Variants in TENM2 observed in about 807,000 individuals in gnomAD.
The protein encoded by TENM2 is teneurin-2.
A neutral mutation model predicts 245.2 loss-of-function variants in TENM2; 52 were observed. The observed-to-expected ratio is 0.21, with a 90% CI of 0.17 to 0.27. The LOEUF (loss-of-function observed/expected upper bound fraction) is 0.27, where lower values mean the gene tolerates loss of function less well. TENM2 is among the 10% of genes least tolerant of loss of function. The pLI, the probability that TENM2 is intolerant of heterozygous loss-of-function variation, is 1.00. For missense variants in TENM2, 3,046 were observed against 3,666.8 expected, an observed-to-expected ratio of 0.83 and a Z score of 4.37; for synonymous variants, 1,363 against 1,438.9, an observed-to-expected ratio of 0.95 and a Z score of 1.19.
chr5:167,620,642 CA>C (rs557995698), intron 2 of TENM2, among the ~76,000 whole-genome samples: 13 of 142,958 alleles, frequency 9.1e-5, no homozygotes, highest in African/African-American at 2.6e-4. Context: ...AGCTTTGCCT[CA>C]CTTGAAATGT....
intron 5 of TENM2, among the ~76,000 whole-genome samples, chr5:168,009,085 TG>T (rs541463237): frequency 4.2e-4 from 64 of 152,290 alleles, no homozygotes; most frequent in African/African-American, 1.5e-3. Context: ...TTACATGTAG[TG>T]CAAATTCTGC....
chr5:167,143,211 G>T, the TENM2 span, among the ~76,000 whole-genome samples: 1 of 152,212 alleles, frequency 6.6e-6, no homozygotes, highest in Admixed American at 6.5e-5. Flanking sequence ...TGACCACAAT[G>T]AGGCTTCGAT....
At chr5:168,258,666 A>G (rs986141611) in intron 27 of TENM2, among the ~76,000 whole-genome samples, 1 of 152,214 alleles carries the variant, frequency 6.6e-6, no homozygotes, top group Non-Finnish European at 1.5e-5. Context: ...GATTCCATTC[A>G]TGTCAAATGT....
intron 2 of TENM2, among the ~76,000 whole-genome samples, chr5:167,603,403 C>T (rs986689179): frequency 7.9e-5 from 12 of 152,176 alleles, no homozygotes; most frequent in African/African-American, 2.9e-4. Context: ...ATATTCTTGG[C>T]TGGGCACAGT....
chr5:167,796,224 A>G (rs1046196926), intron 2 of TENM2, among the ~76,000 whole-genome samples: 1 of 152,152 alleles, frequency 6.6e-6, no homozygotes, highest in Non-Finnish European at 1.5e-5. Flanking sequence ...TATATTCTTC[A>G]CAGTTCAATT....
At position 167,911,918 on chromosome 5, in the gene TENM2, A is replaced by G. The variant is rs540904148; in HGVS notation, c.712+35723A>G. On this transcript the variant is annotated intron_variant, in intron 3 of 28. Transcript: ENST00000518659. ...ATGATATACAGCATGATATTCTGTT[A>G]TATGTATGTAATGGATATGTCCATA... Among the ~76,000 whole-genome samples the G allele has an allele frequency of 5.9e-4, 90 of 152,334 alleles. 2 individuals carry two copies. The South Asian group carries it at 0.018, about 31-fold the overall frequency.
chr5:167,040,283 T>C, the TENM2 span, among the ~76,000 whole-genome samples: 95,733 of 151,836 alleles, frequency 0.63, 32,231 homozygotes, highest in African/African-American at 0.89. Flanking sequence ...GGCCAAGGAG[T>C]TGTTGTCCCG....
chr5:167,103,845 GA>G, the TENM2 span, among the ~76,000 whole-genome samples: 2,661 of 143,796 alleles, frequency 0.019, 32 homozygotes, highest in African/African-American at 0.028. Flanking sequence ...TAGCAATACT[GA>G]AAAAAAAAAA....
intron 2 of TENM2, among the ~76,000 whole-genome samples, chr5:167,687,712 A>C (rs1387526470): frequency 1.3e-5 from 2 of 152,242 alleles, no homozygotes; most frequent in Non-Finnish European, 2.9e-5. Flanking sequence ...TATTTATAGT[A>C]GCAGAATTTG....
chr5:168,155,661 A>G (rs1475144182), intron 12 of TENM2, among the ~76,000 whole-genome samples: 1 of 152,144 alleles, frequency 6.6e-6, no homozygotes, highest in African/African-American at 2.4e-5. Flanking sequence ...TTTAACTTGA[A>G]AAAGGATGGG....
At chr5:167,558,499 C>T (rs914922107) in intron 2 of TENM2, among the ~76,000 whole-genome samples, 2 of 152,164 alleles carry the variant, frequency 1.3e-5, no homozygotes, top group Non-Finnish European at 2.9e-5. Flanking sequence ...GGTGAGTGAG[C>T]GAAGCTGAGC....
intron 1 of TENM2, among the ~76,000 whole-genome samples, chr5:167,297,299 T>G: frequency 6.6e-6 from 1 of 152,152 alleles, no homozygotes; most frequent in East Asian, 1.9e-4. Context: ...TAAACCACTA[T>G]CGAGTAATCA....
At chr5:167,824,041 C>T (rs1014026720) in intron 2 of TENM2, among the ~76,000 whole-genome samples, 28 of 152,278 alleles carry the variant, frequency 1.8e-4, no homozygotes, top group Middle Eastern at 3.4e-3. Flanking sequence ...GCCTTCTCCC[C>T]GGGGAACTGA....
intron 2 of TENM2, among the ~76,000 whole-genome samples, chr5:167,675,847 T>G (rs948077274): frequency 1.3e-5 from 2 of 152,130 alleles, no homozygotes; most frequent in African/African-American, 4.8e-5. Context: ...AAAAATATTG[T>G]TAGATCCAAA....
At chr5:167,496,514 A>G (rs1293183333) in intron 2 of TENM2, among the ~76,000 whole-genome samples, 1 of 152,112 alleles carries the variant, frequency 6.6e-6, no homozygotes, top group Non-Finnish European at 1.5e-5. Context: ...TTAGTGGTAC[A>G]TATTAAAAAT....
At chr5:168,253,219 G>A (rs545028205) in intron 27 of TENM2, among the ~76,000 whole-genome samples, 3 of 151,914 alleles carry the variant, frequency 2.0e-5, no homozygotes, top group Admixed American at 6.6e-5. Flanking sequence ...GGCCTGCCTC[G>A]GCCTCCCAAA....
At chr5:167,475,088 A>G (rs1283030294) in intron 2 of TENM2, among the ~76,000 whole-genome samples, 1 of 152,210 alleles carries the variant, frequency 6.6e-6, no homozygotes, top group Non-Finnish European at 1.5e-5. Context: ...AATATATGCA[A>G]TATTTGTTTT....
chr5:167,826,821 A>C (rs1489623379), intron 2 of TENM2, among the ~76,000 whole-genome samples: 1 of 152,238 alleles, frequency 6.6e-6, no homozygotes, highest in Non-Finnish European at 1.5e-5. Context: ...TGGTTAAATG[A>C]GATCATGCAC....
chr5:167,778,246 G>T (rs1054935077), intron 2 of TENM2, among the ~76,000 whole-genome samples: 1 of 152,202 alleles, frequency 6.6e-6, no homozygotes, highest in Non-Finnish European at 1.5e-5. Context: ...TGGATGCATG[G>T]ATTCTGCTGA....
Sources: gnomAD v4.1 joint callset for allele counts (sites outside exome capture counted in the v4.1 genomes callset) on GRCh38, gnomAD v4.1.1 for gene constraint, MANE v1.5 for transcripts, NCBI Gene and HGNC (gene_info 2026-07-23, HGNC 2026-07-21) for gene names.